The following THADA variants were observed in gnomAD, a reference collection of about 807,000 sequenced individuals.
THADA encodes THADA armadillo repeat containing, also known as tRNA (32-2'-O)-methyltransferase regulator THADA.
Under a neutral mutation model 219.8 loss-of-function variants are expected in THADA, and 213 were observed. The ratio of observed to expected loss-of-function variants is 0.97; its 90% CI spans 0.87 to 1.09. The LOEUF (loss-of-function observed/expected upper bound fraction) is 1.09. Ranked by LOEUF, THADA falls within the 50% of genes least tolerant of loss-of-function variation. The pLI, the probability that THADA is intolerant of heterozygous loss-of-function variation, is 0.00. For missense variants in THADA, 2,956 were observed against 2,311.3 expected (o/e 1.28, Z -5.72); for synonymous variants, 1,018 against 828.9 (o/e 1.23, Z -3.92).
chr2:43,529,259 T>C (rs573489959), intron 21 of THADA, among the ~76,000 whole-genome samples: 8 of 152,238 alleles, frequency 5.3e-5, no homozygotes, highest in African/African-American at 1.9e-4. Flanking sequence ...CTCAAGGAGT[T>C]TGAGGTTACA....
chr2:43,537,378 C>A (rs1195368460), intron 21 of THADA, among the ~76,000 whole-genome samples: 1 of 152,132 alleles, frequency 6.6e-6, no homozygotes. Flanking sequence ...TATTTTCCCA[C>A]GATATCCTTG....
intron 36 of THADA, among the ~76,000 whole-genome samples, chr2:43,278,915 C>G (rs1196408267): frequency 6.6e-6 from 1 of 152,190 alleles, no homozygotes; most frequent in Non-Finnish European, 1.5e-5. Context: ...GCTTTGATCC[C>G]TTGCCTCAAA....
intron 36 of THADA, among the ~76,000 whole-genome samples, chr2:43,272,877 C>A (rs1008827150): frequency 1.3e-5 from 2 of 151,906 alleles, no homozygotes; most frequent in Non-Finnish European, 2.9e-5. Flanking sequence ...CTGGCTGCCC[C>A]GGCCTCCGAA....
chr2:43,537,624 A>C (rs2103792513), intron 21 of THADA, among the ~76,000 whole-genome samples: 1 of 152,350 alleles, frequency 6.6e-6, no homozygotes, highest in Middle Eastern at 3.4e-3. Context: ...GAGGGAATAC[A>C]TCAATGTAGT....
At chr2:43,327,139 C>G (rs1412248690) in intron 30 of THADA, among the ~76,000 whole-genome samples, 1 of 151,974 alleles carries the variant, frequency 6.6e-6, no homozygotes, top group Non-Finnish European at 1.5e-5. Context: ...GAGGAAGGCT[C>G]TAGAGGCATT....
chr2:43,520,751 T>TCAA (rs549273521), intron 22 of THADA, among the ~76,000 whole-genome samples: 6 of 148,178 alleles, frequency 4.0e-5, no homozygotes, highest in African/African-American at 7.8e-5. Context: ...CACATATATA[T>TCAA]CAACAACAAC....
intron 31 of THADA, among the ~76,000 whole-genome samples, chr2:43,295,484 C>T (rs1179603276): frequency 1.3e-5 from 2 of 152,236 alleles, no homozygotes; most frequent in African/African-American, 4.8e-5. Context: ...ACAGACTTCA[C>T]CAAATGCCTT....
chr2:43,403,103 T>C (rs778431375), intron 28 of THADA, among the ~76,000 whole-genome samples: 44 of 152,264 alleles, frequency 2.9e-4, no homozygotes, highest in Middle Eastern at 3.4e-3. Context: ...ATGAACAGAG[T>C]GAGGTGTCCC....
intron 31 of THADA, among the ~76,000 whole-genome samples, chr2:43,300,861 G>A (rs544770816): frequency 3.3e-5 from 5 of 152,294 alleles, no homozygotes; most frequent in South Asian, 2.1e-4. Flanking sequence ...GTGAAACCAC[G>A]GACTGCTGCC....
intron 26 of THADA, among the ~76,000 whole-genome samples, chr2:43,457,596 T>C (rs1683170513): frequency 6.6e-6 from 1 of 152,194 alleles, no homozygotes; most frequent in African/African-American, 2.4e-5. Flanking sequence ...ATATGTAAAT[T>C]CTGGCATTCC....
In THADA at chr2:43,246,841, C is replaced by T. The variant is rs990802882; in HGVS notation, c.5297-13959G>A. Reference sequence around the variant, plus strand: ...CTGGAGTGACTACATTTCCCAAAGGCATGGGAAATCACCGCTGACATGGCC... The same window carrying T: ...CTGGAGTGACTACATTTCCCAAAGGTATGGGAAATCACCGCTGACATGGCC... On this transcript the variant is annotated intron_variant, in intron 36 of 37. Transcript: ENST00000405975. Among the ~76,000 whole-genome samples, 6 of 152,304 alleles carry T rather than the reference C, an allele frequency of 3.9e-5. No individual in the cohort carries two copies. The East Asian group carries it at 1.2e-3, about 29-fold the overall frequency.
At chr2:43,336,653 C>A (rs75766905) in intron 30 of THADA, among the ~76,000 whole-genome samples, 1 of 152,012 alleles carries the variant, frequency 6.6e-6, no homozygotes, top group African/African-American at 2.4e-5. Flanking sequence ...TTAAATGGTA[C>A]TTCTGAGGGC....
intron 29 of THADA, among the ~76,000 whole-genome samples, chr2:43,371,788 C>T (rs919944343): frequency 5.3e-5 from 8 of 152,132 alleles, no homozygotes; most frequent in African/African-American, 1.2e-4. Context: ...AACCTCCACA[C>T]GCAATTTGGC....
chr2:43,397,218 A>G (rs1194679153), intron 29 of THADA, among the ~76,000 whole-genome samples: 1 of 152,136 alleles, frequency 6.6e-6, no homozygotes. Context: ...TGAGATCTCA[A>G]GGCCATCTCT....
chr2:43,457,993 C>T (rs111636463), intron 26 of THADA, among the ~76,000 whole-genome samples: 1,644 of 152,014 alleles, frequency 0.011, 29 homozygotes, highest in African/African-American at 0.038. Context: ...CTCTACCTCT[C>T]GACAAAAAAC....
At chr2:43,561,574 G>A (rs767776905) in intron 15 of THADA, among the ~76,000 whole-genome samples, 4 of 152,144 alleles carry the variant, frequency 2.6e-5, no homozygotes, top group Non-Finnish European at 5.9e-5. Context: ...ATTATGCTTA[G>A]TTAATTTGAG....
At chr2:43,365,795 C>T (rs142601548) in intron 29 of THADA, among the ~76,000 whole-genome samples, 2,549 of 152,182 alleles carry the variant, frequency 0.017, 24 homozygotes, top group Non-Finnish European at 0.027. Context: ...GAATGGTAGT[C>T]TCATTTGCTG....
chr2:43,307,918 C>T (rs769992068), intron 31 of THADA, among the ~76,000 whole-genome samples: 4 of 151,982 alleles, frequency 2.6e-5, no homozygotes, highest in Non-Finnish European at 4.4e-5. Context: ...AAAACAGTTA[C>T]GTACACCTGC....
At chr2:43,505,078 A>G (rs1301919293) in intron 24 of THADA, among the ~76,000 whole-genome samples, 3 of 152,146 alleles carry the variant, frequency 2.0e-5, no homozygotes, top group Non-Finnish European at 4.4e-5. Context: ...AAATATGAAC[A>G]CCCCAAAAGG....
Sources: allele counts gnomAD v4.1 joint callset (sites outside exome capture counted in the v4.1 genomes callset), GRCh38; gene constraint gnomAD v4.1.1; transcripts MANE v1.5; gene names NCBI Gene and HGNC (gene_info 2026-07-23, HGNC 2026-07-21).